TECRL: variants seen among roughly 807,000 people sequenced by gnomAD.
TECRL encodes the protein trans-2,3-enoyl-CoA reductase-like.
In TECRL, 63 loss-of-function variants were observed where a neutral mutation model predicts 52.8. That is an observed-to-expected ratio of 1.19 (90% CI 0.97 to 1.47). TECRL has a LOEUF of 1.47. Among genes scored for constraint, TECRL ranks in the 40% most tolerant of loss-of-function variants. The probability of loss-of-function intolerance (pLI) is 0.00; values close to 1 mark genes in which losing one functional copy is unlikely to be tolerated. For synonymous variants in TECRL, 164 were observed against 141.9 expected, an observed-to-expected ratio of 1.16 and a Z score of -1.10; for missense variants, 482 against 429.6, an observed-to-expected ratio of 1.12 and a Z score of -1.08.
At chr4:64,382,173 C>G (rs868580446) in intron 1 of TECRL, among the ~76,000 whole-genome samples, 1 of 140,838 alleles carries the variant, frequency 7.1e-6, no homozygotes, top group African/African-American at 2.7e-5. Flanking sequence ...AGGTTGTGTA[C>G]GTCCAGAGGA....
chr4:64,353,484 G>A lies in TECRL; in HGVS notation c.286+21688C>T, dbSNP rs369030867. ...GATTGCAGATATAGTATGGTATAAA[G>A]TTGATAAACTGAGTGGATAATTGGA... On this transcript the variant is annotated intron_variant, in intron 2 of 11. Coordinates refer to ENST00000381210, the MANE Select transcript of TECRL (RefSeq NM_001010874.5). Among the ~76,000 whole-genome samples, 9 of 152,220 alleles carry A rather than the reference G, an allele frequency of 5.9e-5. No individual in the cohort carries two copies. The South Asian group carries it at 1.7e-3, about 28-fold the overall frequency.
At chr4:64,389,278 G>C (rs1343733668) in intron 1 of TECRL, among the ~76,000 whole-genome samples, 1 of 151,816 alleles carries the variant, frequency 6.6e-6, no homozygotes. Context: ...TGATGAAGTT[G>C]AGGAAGTTCC....
chr4:64,320,740 A>G (rs1433963956), intron 4 of TECRL, among the ~76,000 whole-genome samples: 6 of 152,098 alleles, frequency 3.9e-5, no homozygotes, highest in Non-Finnish European at 7.4e-5. Flanking sequence ...GACCCTGTGA[A>G]TATTTTAACC....
At chr4:64,281,315 T>G (rs924802835) in intron 10 of TECRL, among the ~76,000 whole-genome samples, 159 bp downstream of exon 10, 1 of 151,866 alleles carries the variant, frequency 6.6e-6, no homozygotes, top group Non-Finnish European at 1.5e-5. Context: ...TTTGAAAAAA[T>G]TGTGATTGAA....
chr4:64,397,631 A>T (rs758442359), intron 1 of TECRL: 9 of 151,884 alleles, frequency 5.9e-5, no homozygotes, highest in Non-Finnish European at 1.3e-4. Context: ...TGGTGCCTTA[A>T]TTCTGGATGT....
intron 2 of TECRL, among the ~76,000 whole-genome samples, chr4:64,346,560 T>C (rs993739375): frequency 5.9e-5 from 9 of 152,272 alleles, no homozygotes; most frequent in Non-Finnish European, 1.2e-4. Flanking sequence ...AAGCTGTACA[T>C]TGGCCCCTTT....
intron 8 of TECRL, among the ~76,000 whole-genome samples, chr4:64,295,795 C>A (rs1476887099): frequency 6.6e-6 from 1 of 151,774 alleles, no homozygotes; most frequent in African/African-American, 2.4e-5. Flanking sequence ...AGTCGTAGCT[C>A]AAAATAGACA....
At chr4:64,326,605 G>A (rs1718282332) in intron 3 of TECRL, among the ~76,000 whole-genome samples, 1 of 152,044 alleles carries the variant, frequency 6.6e-6, no homozygotes, top group African/African-American at 2.4e-5. Context: ...TTGCTGAGGG[G>A]TGAGAGACCA....
chr4:64,375,312 A>G, intron 1 of TECRL, 89 bp from the exon 2 acceptor site: 1 of 625,360 alleles, frequency 1.6e-6, no homozygotes, highest in East Asian at 3.7e-5. Flanking sequence ...ATATATCATA[A>G]AATTCTTACA....
At chr4:64,361,135 A>C (rs576621024) in intron 2 of TECRL, among the ~76,000 whole-genome samples, 1 of 152,210 alleles carries the variant, frequency 6.6e-6, no homozygotes, top group African/African-American at 2.4e-5. Flanking sequence ...GCACAGCCTC[A>C]GCTTGTCAGT....
intron 2 of TECRL, among the ~76,000 whole-genome samples, chr4:64,336,503 C>G (rs966122161): frequency 6.6e-6 from 1 of 152,104 alleles, no homozygotes; most frequent in Non-Finnish European, 1.5e-5. Flanking sequence ...GTGTCTCTAT[C>G]TCCTTCAGTT....
At chr4:64,276,834 T>G (rs1259020862), downstream of TECRL, 1 of 363,128 alleles carries the variant, frequency 2.8e-6, no homozygotes, top group Non-Finnish European at 4.9e-6. Flanking sequence ...CATTAAAGTT[T>G]GTAAGTGTGC....
At chr4:64,303,692 T>G (rs1373032802) in intron 7 of TECRL, among the ~76,000 whole-genome samples, 1 of 151,806 alleles carries the variant, frequency 6.6e-6, no homozygotes, top group African/African-American at 2.4e-5. Flanking sequence ...TTAATAAAAG[T>G]TAATTTATGC....
chr4:64,280,854 T>C (rs1722787646), intron 11 of TECRL, among the ~76,000 whole-genome samples, 187 bp downstream of exon 11: 1 of 152,134 alleles, frequency 6.6e-6, no homozygotes, highest in Non-Finnish European at 1.5e-5. Context: ...AAGCAACAAT[T>C]ATACAGAGAC....
intron 2 of TECRL, among the ~76,000 whole-genome samples, chr4:64,365,502 G>C (rs1220784803): frequency 2.6e-5 from 4 of 151,952 alleles, no homozygotes; most frequent in Admixed American, 2.6e-4. Flanking sequence ...GGGCTCAAAG[G>C]CTCCTAGAAT....
At chr4:64,337,885 C>T (rs1719233920) in intron 2 of TECRL, among the ~76,000 whole-genome samples, 1 of 152,090 alleles carries the variant, frequency 6.6e-6, no homozygotes, top group Admixed American at 6.5e-5. Context: ...CAATGCCATC[C>T]CCATCAAGCA....
chr4:64,400,837 T>TG (rs1286976842), intron 1 of TECRL, among the ~76,000 whole-genome samples: 1 of 152,188 alleles, frequency 6.6e-6, no homozygotes, highest in African/African-American at 2.4e-5. Context: ...CTAGGCTTCC[T>TG]GTACAGCCTG....
rs141278406 is a variant in TECRL at position 64,361,666 on chromosome 4, T to C, written c.286+13506A>G. 6.3e-3 allele frequency among the ~76,000 whole-genome samples: 962 copies of C among 152,146 alleles called. 10 individuals carry two copies. The highest frequency in any genetic ancestry group is 0.021 in the African/African-American group (871 of 41,506). On this transcript the variant is annotated intron_variant, in intron 2 of 11. Coordinates refer to ENST00000381210, the MANE Select transcript of TECRL (RefSeq NM_001010874.5). ...AATAGACTAAACCCAACTTATTCCA[T>C]AGCCAAACCCTCAAGGTCACCAAAG...
intron 2 of TECRL, among the ~76,000 whole-genome samples, chr4:64,368,262 A>C (rs1295839722): frequency 7.1e-6 from 1 of 139,954 alleles, no homozygotes; most frequent in Non-Finnish European, 1.5e-5. Flanking sequence ...GACAAGGCTC[A>C]TAACTGTTTG....
Sources: gnomAD v4.1 joint callset for allele counts (sites outside exome capture counted in the v4.1 genomes callset) on GRCh38, gnomAD v4.1.1 for gene constraint, MANE v1.5 for transcripts, NCBI Gene and HGNC (gene_info 2026-07-23, HGNC 2026-07-21) for gene names.